SNW1: variants seen among roughly 807,000 people sequenced by gnomAD.
The protein encoded by SNW1 is SNW domain-containing protein 1.
In SNW1, 9 loss-of-function variants were observed where a neutral mutation model predicts 75.6. The observed-to-expected ratio is 0.12, with a 90% confidence interval of 0.07 to 0.21. The LOEUF (loss-of-function observed/expected upper bound fraction) is 0.21. SNW1 is among the 10% of genes least tolerant of loss of function. SNW1 has a pLI of 1.00. For synonymous variants in SNW1, 200 were observed against 219.1 expected (o/e 0.91, Z 0.77); for missense variants, 409 against 670.9 (o/e 0.61, Z 4.31).
chr14:77,760,980 G>A lies in SNW1; in HGVS notation c.14+134C>T, dbSNP rs907062328. The A allele has an allele frequency of 1.9e-6, 3 of 1,602,958 alleles. No homozygotes were observed. In the South Asian group the frequency reaches 3.3e-5, roughly 18 times the overall value. ...TAGTCGTAGCGGCGGCCAGCGGGAG[G>A]GCGTAGCCGTAGTCTTGGCCCACGT... On this transcript the variant is annotated intron_variant, in intron 1 of 13. Coordinates refer to ENST00000261531, the MANE Select transcript of SNW1 (RefSeq NM_012245.3).
chr14:77,748,548 T>A (rs983842085), intron 3 of SNW1, among the ~76,000 whole-genome samples: 1 of 152,112 alleles, frequency 6.6e-6, no homozygotes, highest in African/African-American at 2.4e-5. Context: ...ACTTGTGATA[T>A]ATACTTATGG....
At chr14:77,745,230 A>C (rs1156872082) in intron 3 of SNW1, among the ~76,000 whole-genome samples, 2 of 152,170 alleles carry the variant, frequency 1.3e-5, no homozygotes, top group Non-Finnish European at 2.9e-5. Flanking sequence ...GGTCCAGGAC[A>C]ACACCCTGGA....
rs2080886104 is a variant in SNW1, at chr14:77,760,979, G to A, written c.14+135C>T. 1.0e-5 allele frequency: 16 copies of A among 1,600,492 alleles called. No individual in the cohort carries two copies. In the South Asian group the frequency reaches 1.8e-4, roughly 18 times the overall value. ...CTAGTCGTAGCGGCGGCCAGCGGGA[G>A]GGCGTAGCCGTAGTCTTGGCCCACG... On this transcript the variant is annotated intron_variant, in intron 1 of 13. Transcript: ENST00000261531.
At chr14:77,723,475 G>A (rs1406388745) in intron 10 of SNW1, among the ~76,000 whole-genome samples, 198 bp from the exon 11 acceptor site, 2 of 151,794 alleles carry the variant, frequency 1.3e-5, no homozygotes, top group Non-Finnish European at 2.9e-5. Flanking sequence ...TCATCCTCCC[G>A]AGTACCTGGG....
chr14:77,755,426 CTT>C (rs1308187366), intron 1 of SNW1, among the ~76,000 whole-genome samples: 1 of 148,722 alleles, frequency 6.7e-6, no homozygotes, highest in African/African-American at 2.5e-5. Flanking sequence ...TCCATATTTC[CTT>C]TTTTTTTTGA....
intron 2 of SNW1, 75 bp from the exon 3 acceptor site, chr14:77,751,555 G>T: frequency 2.5e-6 from 3 of 1,204,750 alleles, no homozygotes; most frequent in South Asian, 1.6e-5. Context: ...CATTCAACAA[G>T]TAATTGTTGA....
At chr14:77,738,934 A>G (rs368275527) in intron 4 of SNW1, 32 bp downstream of exon 4, 2 of 1,608,768 alleles carry the variant, frequency 1.2e-6, no homozygotes, top group Admixed American at 1.7e-5. Flanking sequence ...TCAGGATGTA[A>G]ATAGTCATCG....
At chr14:77,719,627 T>C (rs980837850) in intron 12 of SNW1, among the ~76,000 whole-genome samples, 2 of 145,382 alleles carry the variant, frequency 1.4e-5, no homozygotes, top group South Asian at 4.6e-4. Flanking sequence ...GGCGACAGAG[T>C]GGGACTCCAT....
rs751507285 is a variant in SNW1, at chr14:77,723,289, G to A, written c.1034-12C>T. 6 of 1,592,560 alleles carry A rather than the reference G, an allele frequency of 3.8e-6. No homozygotes were observed. The highest frequency in any genetic ancestry group is 5.2e-6 in the Non-Finnish European group (6 of 1,160,710). On this transcript the variant is annotated splice_polypyrimidine_tract_variant and intron_variant, in intron 10 of 13. Transcript: ENST00000261531. Reference sequence around the variant, plus strand: ...TGCCTCCCCATCCTCTGTGTGAACAGTTGAAAAGTACTTCACTGTAATATG... The same window carrying A: ...TGCCTCCCCATCCTCTGTGTGAACAATTGAAAAGTACTTCACTGTAATATG...
At chr14:77,758,752 T>C (rs576084112) in intron 1 of SNW1, among the ~76,000 whole-genome samples, 7 of 152,336 alleles carry the variant, frequency 4.6e-5, no homozygotes, top group African/African-American at 1.7e-4. Context: ...CAAACTCAGT[T>C]TCTCCTATTA....
Position 77,742,737 on chromosome 14 carries a change from C to T in SNW1, c.331-3676G>A, listed in dbSNP as rs1045280320. On this transcript the variant is annotated intron_variant, in intron 3 of 13. Coordinates refer to ENST00000261531, the MANE Select transcript of SNW1 (RefSeq NM_012245.3). ...TGGGTATAGTACGTGTGTAACATTT[C>T]GTTTCTTTAAGAGATAGGGTTTCAT... Among the ~76,000 whole-genome samples the T allele has an allele frequency of 3.3e-5, 5 of 151,590 alleles. No homozygotes were observed. In the East Asian group the frequency reaches 1.0e-3, roughly 30 times the overall value.
intron 1 of SNW1, chr14:77,760,822 G>C (rs1258480800): frequency 5.5e-6 from 4 of 722,646 alleles, no homozygotes; most frequent in South Asian, 4.4e-5. Flanking sequence ...AGGGAGCGCT[G>C]TCCGCTCCCC....
rs2080659326 is a variant in SNW1, at chr14:77,734,989, C to T, written c.732G>A (p.Glu244=). The T allele has an allele frequency of 3.1e-6, 5 of 1,611,660 alleles. No homozygotes were observed. The South Asian group carries it at 3.3e-5, about 11-fold the overall frequency. Residue 244 remains glutamate (E), a synonymous_variant, in exon 8 of 14, where the codon GAG becomes GAA. Coordinates refer to ENST00000261531, the MANE Select transcript of SNW1 (RefSeq NM_012245.3). ...SRKMTVKEQQ[E]WKIPPCISNW... ...TAGAAATACAAGGAGGAATCTTCCA[C>T]TCTTGTTGTTCCTTTACAGTCATCT...
chr14:77,748,741 C>G (rs1475735739), intron 3 of SNW1, among the ~76,000 whole-genome samples: 1 of 152,108 alleles, frequency 6.6e-6, no homozygotes, highest in African/African-American at 2.4e-5. Context: ...GTACCCGCCA[C>G]CATGCCCAGC....
chr14:77,737,631 A>G (rs1032000553), intron 5 of SNW1, among the ~76,000 whole-genome samples: 10 of 152,212 alleles, frequency 6.6e-5, no homozygotes, highest in South Asian at 2.1e-4. Context: ...ACTATAAATA[A>G]TAATTGTGAT....
rs983602680 is a variant in SNW1 at position 77,732,472 on chromosome 14, A to G, written c.891+13T>C. On this transcript the variant is annotated intron_variant, in intron 9 of 13. Transcript: ENST00000261531. ...AAGTAACAAGAGCATTAAACAAATT[A>G]TAACAAACCAACCTTCCGATCAGCA... 7.2e-7 allele frequency: 1 copy of G among 1,385,360 alleles called. No homozygotes were observed. The highest frequency in any genetic ancestry group is 1.0e-6 in the Non-Finnish European group (1 of 973,276). 85.8% of individuals were successfully genotyped at this position (1,385,360 alleles called of 1,614,324 possible). A position where few individuals can be genotyped will look rare whatever the true frequency, so the allele number is the denominator to read the frequency against.
At chr14:77,723,841 A>C (rs1288537868) in intron 10 of SNW1, among the ~76,000 whole-genome samples, 1 of 152,122 alleles carries the variant, frequency 6.6e-6, no homozygotes. Flanking sequence ...TTTAGTAGAG[A>C]TGGAGTTTCA....
intron 2 of SNW1, among the ~76,000 whole-genome samples, chr14:77,751,849 A>ACAC (rs1566836278): frequency 2.9e-3 from 389 of 132,580 alleles, no homozygotes; most frequent in Non-Finnish European, 4.6e-3. Context: ...CACACACCAC[A>ACAC]CACACACACA....
rs1441126951 is a variant in SNW1, at chr14:77,718,269, T to A, written c.1430A>T (p.Glu477Val). ...CTGTCTACGGTCTGAACCAGAAAAC[T>A]CCTTGTCGGGAACAAATCTAAGGAA... is the stretch of plus-strand genomic sequence containing the variant. Reference protein sequence around the residue: ...IKTNRFVPDKEFSGSDRRQRG... With the variant: ...IKTNRFVPDKVFSGSDRRQRG... The change falls in exon 14 of 14, where the codon GAG becomes GTG. Residue 477 changes from glutamate (E) to valine (V), a missense_variant. Glu to Val is a moderately radical substitution (Grantham distance 121). This residue lies in a region of SNW1 where 126 missense variants were observed against 167.6 expected (regional missense o/e 0.75). Coordinates refer to ENST00000261531, the MANE Select transcript of SNW1 (RefSeq NM_012245.3). The A allele has an allele frequency of 6.2e-7, 1 of 1,613,530 alleles. No individual in the cohort carries two copies. Among genetic ancestry groups the A allele is most frequent in the African/African-American group, 1.3e-5 (1 of 74,850 alleles).
Sources: allele counts gnomAD v4.1 joint callset (sites outside exome capture counted in the v4.1 genomes callset), GRCh38; gene constraint gnomAD v4.1.1; regional missense constraint gnomAD v4.1.1; transcripts MANE v1.5; gene names NCBI Gene and HGNC (gene_info 2026-07-23, HGNC 2026-07-21).